The following BEND2 variants were observed in gnomAD, a reference collection of about 807,000 sequenced individuals.
BEND2 encodes BEN domain-containing protein 2.
In BEND2, 19 loss-of-function variants were observed where a neutral mutation model predicts 43.8. The ratio of observed to expected loss-of-function variants is 0.43; its 90% CI spans 0.30 to 0.64. The LOEUF is 0.64. BEND2 is among the 30% of genes least tolerant of loss of function. The probability of loss-of-function intolerance (pLI) is 0.11; values close to 1 mark genes in which losing one functional copy is unlikely to be tolerated. For synonymous variants in BEND2, 226 were observed against 210.1 expected, an observed-to-expected ratio of 1.08 and a Z score of -0.66; for missense variants, 544 against 574.0, an observed-to-expected ratio of 0.95 and a Z score of 0.53.
At chrX:18,174,409 A>C (rs1221634433) in intron 11 of BEND2, 151 bp from the exon 12 acceptor site, 1 of 492,875 alleles carries the variant, frequency 2.0e-6, no homozygotes, top group African/African-American at 2.4e-5. Flanking sequence ...GTGTGTCGCA[A>C]TACTATCTGG....
chrX:18,210,794 C>T (rs890899854), intron 4 of BEND2, among the ~76,000 whole-genome samples: 4 of 111,495 alleles, frequency 3.6e-5, no homozygotes, highest in African/African-American at 6.5e-5. Flanking sequence ...AATAAGTAAA[C>T]AGACAGTAAA....
intron 10 of BEND2, among the ~76,000 whole-genome samples, chrX:18,176,611 C>T (rs1039931778): frequency 7.3e-5 from 8 of 108,928 alleles, no homozygotes; most frequent in South Asian, 8.1e-4. Flanking sequence ...CCCAGGAGTT[C>T]GAGGCTGCAC....
intron 6 of BEND2, among the ~76,000 whole-genome samples, chrX:18,200,126 A>G (rs1310738251): frequency 8.9e-6 from 1 of 112,212 alleles, no homozygotes; most frequent in East Asian, 2.8e-4. Context: ...AACTGGAAAA[A>G]AAAACAATTT....
chrX:18,170,829 A>C (rs191334525), intron 13 of BEND2, 172 bp downstream of exon 13: 155 of 922,818 alleles, frequency 1.7e-4, no homozygotes, highest in Non-Finnish European at 2.1e-4. Flanking sequence ...CCAAATGCAG[A>C]GAGAAATACA....
At chrX:18,206,389 CAGGAAG>C (rs1025488134) in intron 4 of BEND2, among the ~76,000 whole-genome samples, 11 of 111,562 alleles carry the variant, frequency 9.9e-5, no homozygotes, top group Non-Finnish European at 2.1e-4. Flanking sequence ...CAGAGAAAAA[CAGGAAG>C]CCAGATGTGG....
At position 18,193,325 on chromosome X, in the gene BEND2, T is replaced by A. The variant is rs73454369; in HGVS notation, c.1180+1971A>T. On this transcript the variant is annotated intron_variant, in intron 7 of 13. Transcript: ENST00000380033. ...AGACAGAGATTTTTGAGACTCTGTCTCACAAAAAGAAAAGAAAAGAAAAGA... is the reference window on the plus strand; with the variant it reads ...AGACAGAGATTTTTGAGACTCTGTCACACAAAAAGAAAAGAAAAGAAAAGA... Among the ~76,000 whole-genome samples, 418 of 70,217 alleles carry A rather than the reference T, an allele frequency of 6.0e-3. 1 individual carries two copies. The highest frequency in any genetic ancestry group is 0.021 in the African/African-American group (400 of 19,392). The allele number at this position is 70,217 out of a possible 115,157, so 61.0% of individuals were successfully genotyped here.
At chrX:18,218,641 T>C (rs1032619168) in intron 1 of BEND2, among the ~76,000 whole-genome samples, 1 of 112,195 alleles carries the variant, frequency 8.9e-6, no homozygotes, top group Non-Finnish European at 1.9e-5. Flanking sequence ...GGCGGGCGGA[T>C]CACTTGGGGT....
intron 4 of BEND2, among the ~76,000 whole-genome samples, chrX:18,207,572 TG>T (rs1346798791): frequency 8.9e-6 from 1 of 112,136 alleles, no homozygotes; most frequent in Non-Finnish European, 1.9e-5. Context: ...TGATCAGTTA[TG>T]GGCTTTTTTG....
chrX:18,192,695 A>G (rs979937516), intron 7 of BEND2, among the ~76,000 whole-genome samples: 1 of 112,643 alleles, frequency 8.9e-6, no homozygotes, highest in Non-Finnish European at 1.9e-5. Context: ...AGAAACAGCC[A>G]AGATATCTTC....
Position 18,165,105 on chromosome X carries a change from A to G in BEND2, c.2304T>C (p.Ala768=), listed in dbSNP as rs201627269. The stretch of plus-strand genomic sequence containing the variant: ...CTGGAAGCGACTGAGACCTGGCTTC[A>G]GCCCTTCTGACGTCATGTCTAAGGC... The part of the protein sequence containing the change: ...IRSLRHDVRR[A]EARSQSLPAV... Residue 768 remains alanine, a synonymous_variant, in exon 14 of 14, where the codon GCT becomes GCC. Transcript: ENST00000380033. The G allele has an allele frequency of 3.6e-4, 433 of 1,208,579 alleles. 2 individuals carry two copies. In the East Asian group the frequency reaches 4.9e-3, roughly 14 times the overall value.
intron 6 of BEND2, among the ~76,000 whole-genome samples, chrX:18,200,130 A>C (rs369503693): frequency 1.8e-5 from 2 of 112,141 alleles, no homozygotes; most frequent in East Asian, 2.8e-4. Context: ...GGAAAAAAAA[A>C]CAATTTGATG....
chrX:18,216,261 A>T (rs1925670309), intron 2 of BEND2, among the ~76,000 whole-genome samples: 1 of 110,665 alleles, frequency 9.0e-6, no homozygotes, highest in East Asian at 2.8e-4. Flanking sequence ...TATAGTTGCC[A>T]GATATAAATA....
intron 5 of BEND2, among the ~76,000 whole-genome samples, chrX:18,203,002 G>A (rs752241027): frequency 1.5e-4 from 17 of 111,382 alleles, no homozygotes; most frequent in Non-Finnish European, 2.8e-4. Context: ...ATTATGTTGA[G>A]TAAAAAAAAG....
intron 5 of BEND2, among the ~76,000 whole-genome samples, chrX:18,202,266 T>A (rs2147423581): frequency 8.9e-6 from 1 of 112,265 alleles, no homozygotes; most frequent in Non-Finnish European, 1.9e-5. Flanking sequence ...GGAAAATAGT[T>A]AGGCAGTTTC....
At chrX:18,220,431 C>A (rs191209083) in intron 1 of BEND2, among the ~76,000 whole-genome samples, 1,623 of 111,899 alleles carry the variant, frequency 0.015, 26 homozygotes, top group African/African-American at 0.05. Flanking sequence ...CCTGAGCCAC[C>A]AAGAGCCACG....
At chrX:18,182,508 G>T (rs1305323111) in intron 8 of BEND2, among the ~76,000 whole-genome samples, 1 of 111,364 alleles carries the variant, frequency 9.0e-6, no homozygotes, top group African/African-American at 3.3e-5. Flanking sequence ...TGGCTATATT[G>T]ATATCAGATA....
Position 18,174,238 on chromosome X carries a change from T to G in BEND2, c.1773A>C (p.Lys591Asn). The G allele has an allele frequency of 8.3e-7, 1 of 1,210,732 alleles. No homozygotes were observed. Among genetic ancestry groups the G allele is most frequent in the Non-Finnish European group, 1.1e-6 (1 of 894,989 alleles). Reference protein sequence around the residue: ...KSTPKTVRKNKKRTNRVASAS... With the variant: ...KSTPKTVRKNNKRTNRVASAS... ...CCGATGCAACACGGTTGGTACGTTT[T>G]TTATTTTTGCGAACAGTTTTCTGTT... Residue 591 changes from lysine (K) to asparagine (N), a missense_variant, in exon 12 of 14, where the codon AAA becomes AAC. Transcript: ENST00000380033.
At chrX:18,215,708 T>C (rs760162761) in intron 2 of BEND2, among the ~76,000 whole-genome samples, 92 of 112,527 alleles carry the variant, frequency 8.2e-4, no homozygotes, top group Middle Eastern at 9.2e-3. Context: ...ACTTATGGCC[T>C]GCAAAGCCTA....
chrX:18,169,184 G>C lies in BEND2; in HGVS notation c.2185+1817C>G, dbSNP rs772726952. Among the ~76,000 whole-genome samples, 5 of 110,376 alleles carry C rather than the reference G, an allele frequency of 4.5e-5. No homozygotes were observed. In the South Asian group the frequency reaches 1.9e-3, roughly 43 times the overall value. On this transcript the variant is annotated intron_variant, in intron 13 of 13. Coordinates refer to ENST00000380033, the MANE Select transcript of BEND2 (RefSeq NM_153346.5). ...ATAAAATAAAATAAAATAAAATACAGAACAATATTATATATTATTTATGGA... is the reference window on the plus strand; with the variant it reads ...ATAAAATAAAATAAAATAAAATACACAACAATATTATATATTATTTATGGA...
Sources: gnomAD v4.1 joint callset for allele counts (sites outside exome capture counted in the v4.1 genomes callset) on GRCh38, gnomAD v4.1.1 for gene constraint, MANE v1.5 for transcripts, NCBI Gene and HGNC (gene_info 2026-07-23, HGNC 2026-07-21) for gene names.